Variants in DGKB observed in about 807,000 individuals in gnomAD.
The protein encoded by DGKB is diacylglycerol kinase beta, also known as 90 kDa diacylglycerol kinase.
A neutral mutation model predicts 114.3 loss-of-function variants in DGKB; 67 were observed. The ratio of observed to expected loss-of-function variants is 0.59; its 90% CI spans 0.48 to 0.72. DGKB has a LOEUF of 0.72. Ranked by LOEUF, DGKB falls within the 30% of genes least tolerant of loss-of-function variation. DGKB has a pLI of 0.00. For synonymous variants in DGKB, 398 were observed against 323.1 expected, an observed-to-expected ratio of 1.23 and a Z score of -2.49; for missense variants, 907 against 975.2, an observed-to-expected ratio of 0.93 and a Z score of 0.93.
chr7:14,573,234 T>G (rs1344030722), intron 20 of DGKB, among the ~76,000 whole-genome samples: 1 of 152,174 alleles, frequency 6.6e-6, no homozygotes, highest in African/African-American at 2.4e-5. Context: ...ACAGTATTAG[T>G]AACCATTGTA....
intron 13 of DGKB, among the ~76,000 whole-genome samples, chr7:14,645,925 C>G (rs746356822): frequency 6.6e-6 from 1 of 151,916 alleles, no homozygotes; most frequent in Non-Finnish European, 1.5e-5. Context: ...CTACAGAAAA[C>G]AAGCAAACTG....
chr7:14,559,031 T>C (rs769085554), intron 20 of DGKB, among the ~76,000 whole-genome samples: 5 of 152,092 alleles, frequency 3.3e-5, no homozygotes, highest in Non-Finnish European at 7.4e-5. Context: ...CTCCAAATAT[T>C]CCCCTGGGAA....
intron 1 of DGKB, among the ~76,000 whole-genome samples, chr7:14,897,042 A>G (rs1219727542): frequency 1.3e-5 from 2 of 151,810 alleles, no homozygotes; most frequent in African/African-American, 4.8e-5. Flanking sequence ...CTCTAAAGAC[A>G]TTTTAAATAG....
intron 21 of DGKB, among the ~76,000 whole-genome samples, chr7:14,384,149 G>T (rs916180503): frequency 3.3e-5 from 5 of 152,098 alleles, no homozygotes; most frequent in African/African-American, 7.2e-5. Context: ...TTTAATTTAC[G>T]TAAGTACATT....
chr7:14,851,227 C>CA (rs1487356114), intron 1 of DGKB, among the ~76,000 whole-genome samples: 1 of 151,836 alleles, frequency 6.6e-6, no homozygotes, highest in Non-Finnish European at 1.5e-5. Flanking sequence ...TCTGCTGACA[C>CA]AAAAAATCTA....
chr7:14,571,667 C>A (rs1430830456), intron 20 of DGKB, among the ~76,000 whole-genome samples: 2 of 152,182 alleles, frequency 1.3e-5, no homozygotes, highest in African/African-American at 4.8e-5. Context: ...AGGTTTTGTA[C>A]ATGAGCGGAA....
At chr7:14,798,698 G>A (rs369191489) in intron 2 of DGKB, among the ~76,000 whole-genome samples, 3 of 152,158 alleles carry the variant, frequency 2.0e-5, no homozygotes, top group East Asian at 3.9e-4. Flanking sequence ...TGGCCCACCA[G>A]TTATAACAGG....
At chr7:14,561,498 G>A (rs919134585) in intron 20 of DGKB, among the ~76,000 whole-genome samples, 1 of 152,110 alleles carries the variant, frequency 6.6e-6, no homozygotes, top group Non-Finnish European at 1.5e-5. Flanking sequence ...ACAGTTTGGA[G>A]GGCTCAGAAA....
intron 1 of DGKB, among the ~76,000 whole-genome samples, chr7:14,858,425 A>G (rs1318397690): frequency 6.6e-6 from 1 of 152,222 alleles, no homozygotes; most frequent in Non-Finnish European, 1.5e-5. Context: ...CTGAGAAAAT[A>G]AAATAGAAAA....
Position 14,732,214 on chromosome 7 carries a change from G to A in DGKB, c.322+3827C>T, listed in dbSNP as rs117626885. Among the ~76,000 whole-genome samples the A allele has an allele frequency of 3.6e-4, 55 of 150,790 alleles. 2 individuals are homozygous for A. The East Asian group carries it at 0.01, about 28-fold the overall frequency. On this transcript the variant is annotated intron_variant, in intron 5 of 25. Coordinates refer to ENST00000402815, the MANE Select transcript of DGKB (RefSeq NM_001350709.2). ...TGAGCATAATTTTTTTTCCTTTTCA[G>A]TTTTGTTTTTTCTTGAGAAGCCCTT...
intron 2 of DGKB, among the ~76,000 whole-genome samples, chr7:14,800,914 T>C (rs1009704042): frequency 5.9e-5 from 9 of 152,224 alleles, no homozygotes; most frequent in African/African-American, 2.2e-4. Flanking sequence ...AAAAGAGCCA[T>C]GACCAGTTGA....
In DGKB at chr7:14,607,484, T is replaced by C. The variant is rs779230777; in HGVS notation, c.1383A>G (p.Leu461=). 3.1e-5 allele frequency: 49 copies of C among 1,583,500 alleles called. No homozygotes were observed. Among genetic ancestry groups the C allele is most frequent in the Admixed American group, 1.0e-4 (6 of 59,192 alleles). ...GERIYRKFQY[L]LNPRQVYSLS... Reference sequence around the variant, plus strand: ...GACTGTAAACCTGACGAGGATTTAATAGATACTGGAATTTTCTGTAAATTC... The same window carrying C: ...GACTGTAAACCTGACGAGGATTTAACAGATACTGGAATTTTCTGTAAATTC... Residue 461 remains leucine (L), a synonymous_variant, in exon 17 of 26, where the codon CTA becomes CTG. Transcript: ENST00000402815.
intron 20 of DGKB, among the ~76,000 whole-genome samples, chr7:14,543,983 C>A (rs1425544926): frequency 2.6e-5 from 4 of 152,080 alleles, no homozygotes; most frequent in Non-Finnish European, 5.9e-5. Flanking sequence ...ACTAAAATTT[C>A]ATTTTCATGT....
intron 21 of DGKB, among the ~76,000 whole-genome samples, chr7:14,452,092 A>T (rs1001937808): frequency 2.6e-5 from 4 of 152,232 alleles, no homozygotes; most frequent in Admixed American, 2.0e-4. Context: ...GACTGTTTAG[A>T]AAATATTAAT....
rs143085591 is a variant in DGKB at position 14,957,331 on chromosome 7, A to G, written c.-188+17365T>C. ...GCTGCTTTGGTCTATTTGAAGAGTT[A>G]TTTATTGTGTGGTACCAATGGGAGT... On this transcript the variant is annotated intron_variant, in intron 1 of 4. Transcript: ENST00000437998. Among the ~76,000 whole-genome samples, 841 of 152,122 alleles carry G rather than the reference A, an allele frequency of 5.5e-3. 10 individuals are homozygous for G. The highest frequency in any genetic ancestry group is 0.019 in the African/African-American group (805 of 41,532).
chr7:14,684,618 A>G (rs906582735), intron 10 of DGKB, among the ~76,000 whole-genome samples: 4 of 152,162 alleles, frequency 2.6e-5, no homozygotes, highest in South Asian at 2.1e-4. Flanking sequence ...ACAGAATAAA[A>G]TGAAAATTGC....
At chr7:14,667,909 C>T (rs376257389) in intron 13 of DGKB, among the ~76,000 whole-genome samples, 3 of 151,940 alleles carry the variant, frequency 2.0e-5, no homozygotes, top group Non-Finnish European at 2.9e-5. Flanking sequence ...TTAACACATA[C>T]GAGACCCGAA....
intron 7 of DGKB, among the ~76,000 whole-genome samples, chr7:14,700,372 C>T (rs1032745134): frequency 6.6e-6 from 1 of 152,026 alleles, no homozygotes; most frequent in Non-Finnish European, 1.5e-5. Flanking sequence ...CACTACCACG[C>T]CTCGATAATT....
Position 14,757,749 on chromosome 7 carries a change from C to T in DGKB, c.71-18G>A, listed in dbSNP as rs1391462282. On this transcript the variant is annotated intron_variant, in intron 2 of 25. Transcript: ENST00000402815. Reference sequence around the variant, plus strand: ...TGTAGAATCTATAAAAAACAGAAAACACAAAAATTGTTTATATGCACATAC... The same window carrying T: ...TGTAGAATCTATAAAAAACAGAAAATACAAAAATTGTTTATATGCACATAC... 7.3e-6 allele frequency: 11 copies of T among 1,503,490 alleles called. No homozygotes were observed. Among genetic ancestry groups the T allele is most frequent in the Non-Finnish European group, 9.2e-6 (10 of 1,084,192 alleles). 93.1% of individuals were successfully genotyped at this position (1,503,490 alleles called of 1,614,324 possible).
Sources: gnomAD v4.1 joint callset for allele counts (sites outside exome capture counted in the v4.1 genomes callset) on GRCh38, gnomAD v4.1.1 for gene constraint, MANE v1.5 for transcripts, NCBI Gene and HGNC (gene_info 2026-07-23, HGNC 2026-07-21) for gene names.